Variants in SORCS3 observed in about 807,000 individuals in gnomAD.
SORCS3 encodes sortilin related VPS10 domain containing receptor 3, also known as VPS10 domain-containing receptor SorCS3.
Under a neutral mutation model 146.3 loss-of-function variants are expected in SORCS3, and 57 were observed. That is an observed-to-expected ratio of 0.39 (90% CI 0.31 to 0.49). The LOEUF (loss-of-function observed/expected upper bound fraction) is 0.49. Ranked by LOEUF, SORCS3 falls within the 20% of genes least tolerant of loss-of-function variation. SORCS3 has a pLI of 0.92. For missense variants in SORCS3, 1,341 were observed against 1,575.5 expected, an observed-to-expected ratio of 0.85 and a Z score of 2.52; for synonymous variants, 653 against 618.5, an observed-to-expected ratio of 1.06 and a Z score of -0.83.
At chr10:104,834,760 C>T (rs1447982801) in intron 1 of SORCS3, among the ~76,000 whole-genome samples, 1 of 145,808 alleles carries the variant, frequency 6.9e-6, no homozygotes, top group Non-Finnish European at 1.5e-5. Context: ...GGTTTGTTTT[C>T]TTTACTGCTG....
At chr10:105,037,832 A>G (rs1371697951) in intron 4 of SORCS3, among the ~76,000 whole-genome samples, 1 of 152,204 alleles carries the variant, frequency 6.6e-6, no homozygotes, top group African/African-American at 2.4e-5. Flanking sequence ...CTCTCCTATG[A>G]TCTCATATTA....
rs763508055 is a variant in SORCS3, at chr10:105,223,093, A to T, written c.2735-23A>T. On this transcript the variant is annotated intron_variant, in intron 19 of 26. Transcript: ENST00000369701. ...GACCACATCCAGAATATAAACACTG[A>T]CTTTTTTTTTCTGTTTCCTTAGGTC... 2.5e-6 allele frequency: 4 copies of T among 1,583,956 alleles called. No homozygotes were observed. In the East Asian group the frequency reaches 9.0e-5, roughly 36 times the overall value.
At chr10:104,856,981 T>TGAGA (rs201990172) in intron 2 of SORCS3, among the ~76,000 whole-genome samples, 1 of 147,034 alleles carries the variant, frequency 6.8e-6, no homozygotes, top group African/African-American at 2.5e-5. Flanking sequence ...CAAAGGCGTG[T>TGAGA]GAGAGAGAGA....
At chr10:104,904,655 T>C (rs574263569) in intron 2 of SORCS3, among the ~76,000 whole-genome samples, 40 of 151,818 alleles carry the variant, frequency 2.6e-4, no homozygotes, top group African/African-American at 7.7e-4. Flanking sequence ...TACAATATTA[T>C]GTTAAATGGA....
rs534456498 is a variant in SORCS3, at chr10:104,758,586, G to A, written c.628-84206G>A. Reference sequence around the variant, plus strand: ...CTGTTTAGTGTCTCTCCAAGATCCCGGGCCTTTGAACATTCTAGCTTTGGG... The same window carrying A: ...CTGTTTAGTGTCTCTCCAAGATCCCAGGCCTTTGAACATTCTAGCTTTGGG... On this transcript the variant is annotated intron_variant, in intron 1 of 26. Transcript: ENST00000369701. Among the ~76,000 whole-genome samples, 34 of 151,982 alleles carry A rather than the reference G, an allele frequency of 2.2e-4. 1 individual carries two copies. The highest frequency in any genetic ancestry group is 4.6e-4 in the Non-Finnish European group (31 of 68,010).
intron 17 of SORCS3, among the ~76,000 whole-genome samples, chr10:105,212,744 A>G (rs1211063846): frequency 1.3e-5 from 2 of 152,198 alleles, no homozygotes; most frequent in Non-Finnish European, 2.9e-5. Flanking sequence ...TTAATGGCCA[A>G]TTGAGGCTGA....
intron 1 of SORCS3, chr10:104,822,096 G>C: frequency 1.9e-6 from 1 of 518,368 alleles, no homozygotes; most frequent in Non-Finnish European, 3.9e-6. Context: ...AGTCTGACCA[G>C]CTCCTCTGTG....
chr10:105,083,444 G>A (rs1177787899), intron 5 of SORCS3, among the ~76,000 whole-genome samples: 1 of 152,088 alleles, frequency 6.6e-6, no homozygotes, highest in Admixed American at 6.5e-5. Flanking sequence ...GGATGCTTGA[G>A]AGGGAAGAGG....
chr10:105,130,694 A>G (rs1274962679), intron 7 of SORCS3, among the ~76,000 whole-genome samples: 1 of 152,126 alleles, frequency 6.6e-6, no homozygotes, highest in African/African-American at 2.4e-5. Flanking sequence ...CCAATAAAAG[A>G]TTTTATGTGC....
At chr10:105,219,641 A>G (rs1446714812) in intron 19 of SORCS3, among the ~76,000 whole-genome samples, 1 of 152,196 alleles carries the variant, frequency 6.6e-6, no homozygotes, top group East Asian at 1.9e-4. Flanking sequence ...AATGCTGCCT[A>G]TCACCCAGCT....
At chr10:105,192,101 A>G (rs1372668174) in intron 14 of SORCS3, among the ~76,000 whole-genome samples, 1 of 152,184 alleles carries the variant, frequency 6.6e-6, no homozygotes, top group African/African-American at 2.4e-5. Context: ...TACTCACATT[A>G]ATAAATTTGT....
intron 4 of SORCS3, among the ~76,000 whole-genome samples, chr10:104,994,353 G>A (rs1223170135): frequency 6.6e-6 from 1 of 152,188 alleles, no homozygotes; most frequent in Non-Finnish European, 1.5e-5. Flanking sequence ...TTCACTGAGA[G>A]TGAAATCTTT....
chr10:104,936,482 G>A (rs2019261555), intron 3 of SORCS3, among the ~76,000 whole-genome samples: 1 of 152,172 alleles, frequency 6.6e-6, no homozygotes, highest in Non-Finnish European at 1.5e-5. Context: ...ATGAATGAGA[G>A]CTGGGGAACT....
intron 16 of SORCS3, among the ~76,000 whole-genome samples, chr10:105,205,105 C>T (rs1045445579): frequency 1.4e-4 from 21 of 152,078 alleles, no homozygotes; most frequent in African/African-American, 4.8e-4. Context: ...AGGGCAAGTT[C>T]ATTTGATTGA....
intron 5 of SORCS3, among the ~76,000 whole-genome samples, chr10:105,061,263 G>A (rs1207895872): frequency 2.0e-5 from 3 of 150,790 alleles, no homozygotes; most frequent in African/African-American, 7.3e-5. Context: ...TGGGGGTGAG[G>A]TAGGGTGGGA....
In SORCS3 at chr10:104,990,592, A is replaced by G. The variant is rs11192266; in HGVS notation, c.954+13099A>G. ...CTCTCCTGAACCCCTCCAACTCCCC[A>G]GGCTGTCCACCTGGGACACCTGTGA... On this transcript the variant is annotated intron_variant, in intron 4 of 26. Coordinates refer to ENST00000369701, the MANE Select transcript of SORCS3 (RefSeq NM_014978.3). 8.4e-3 allele frequency among the ~76,000 whole-genome samples: 1,274 copies of G among 152,246 alleles called. 30 individuals are homozygous for G. In the East Asian group the frequency reaches 0.095, roughly 11 times the overall value.
chr10:105,222,849 G>A (rs953018780), intron 19 of SORCS3, among the ~76,000 whole-genome samples: 1 of 152,192 alleles, frequency 6.6e-6, no homozygotes, highest in Non-Finnish European at 1.5e-5. Flanking sequence ...CCTTGTATTA[G>A]AGGTTCATAA....
intron 20 of SORCS3, among the ~76,000 whole-genome samples, chr10:105,235,336 T>C (rs937433249): frequency 1.2e-4 from 19 of 152,038 alleles, no homozygotes; most frequent in Non-Finnish European, 2.1e-4. Context: ...TGGGCAATTT[T>C]CTTTAACATT....
At chr10:104,710,241 C>G (rs916931047) in intron 1 of SORCS3, among the ~76,000 whole-genome samples, 4 of 152,154 alleles carry the variant, frequency 2.6e-5, no homozygotes, top group Non-Finnish European at 5.9e-5. Flanking sequence ...TAGCCCAACC[C>G]AGCTTATCCT....
Sources: gnomAD v4.1 joint callset for allele counts (sites outside exome capture counted in the v4.1 genomes callset) on GRCh38, gnomAD v4.1.1 for gene constraint, MANE v1.5 for transcripts, NCBI Gene and HGNC (gene_info 2026-07-23, HGNC 2026-07-21) for gene names.